Variants in MAGI2 observed in about 807,000 individuals in gnomAD.
The protein encoded by MAGI2 is membrane associated guanylate kinase, WW and PDZ domain containing 2, also known as membrane-associated guanylate kinase, WW and PDZ domain-containing protein 2.
MAGI2 carries 35 observed loss-of-function variants against 133.3 expected under a neutral mutation model. The observed-to-expected ratio is 0.26, with a 90% CI of 0.20 to 0.35. The LOEUF (loss-of-function observed/expected upper bound fraction) is 0.35. Ranked by LOEUF, MAGI2 falls within the 10% of genes least tolerant of loss-of-function variation. MAGI2 has a pLI of 1.00. For missense variants in MAGI2, 1,636 were observed against 1,863.4 expected (o/e 0.88, Z 2.25); for synonymous variants, 729 against 710.6 (o/e 1.03, Z -0.41).
At chr7:78,807,744 C>T (rs903676329) in intron 2 of MAGI2, among the ~76,000 whole-genome samples, 4 of 152,078 alleles carry the variant, frequency 2.6e-5, no homozygotes, top group Non-Finnish European at 5.9e-5. Context: ...ATATAAATTA[C>T]TTCATCAATA....
intron 20 of MAGI2, among the ~76,000 whole-genome samples, chr7:78,085,928 C>A (rs1211800734): frequency 6.6e-6 from 1 of 151,326 alleles, no homozygotes; most frequent in Non-Finnish European, 1.5e-5. Context: ...GTGGCCTTGT[C>A]TGGACATTCA....
At chr7:78,948,463 G>A (rs1453351708) in intron 2 of MAGI2, among the ~76,000 whole-genome samples, 1 of 152,002 alleles carries the variant, frequency 6.6e-6, no homozygotes, top group Admixed American at 6.6e-5. Context: ...GCTCTTCCCT[G>A]AGATTACTTT....
At chr7:78,254,990 T>A (rs546076394) in intron 10 of MAGI2, 5 of 152,286 alleles carry the variant, frequency 3.3e-5, no homozygotes, top group Admixed American at 1.3e-4. Context: ...CTCATTGACT[T>A]TCAGTGTCCT....
At chr7:79,403,971 G>A (rs1348979131) in intron 1 of MAGI2, among the ~76,000 whole-genome samples, 3 of 152,056 alleles carry the variant, frequency 2.0e-5, no homozygotes, top group Non-Finnish European at 4.4e-5. Context: ...AGAAGCCAGA[G>A]GTATTTTCAA....
At chr7:79,093,718 T>TC (rs1584913794) in intron 1 of MAGI2, among the ~76,000 whole-genome samples, 1 of 147,712 alleles carries the variant, frequency 6.8e-6, no homozygotes, top group African/African-American at 2.5e-5. Context: ...TCTTTTCTTT[T>TC]TTTTTTTTTT....
chr7:79,293,921 G>T (rs1037486935), intron 1 of MAGI2, among the ~76,000 whole-genome samples: 10 of 152,198 alleles, frequency 6.6e-5, no homozygotes, highest in African/African-American at 2.2e-4. Flanking sequence ...GGTGGCTCTT[G>T]CCTGTAATCC....
chr7:79,114,754 C>T (rs1819245703), intron 1 of MAGI2, among the ~76,000 whole-genome samples: 1 of 152,164 alleles, frequency 6.6e-6, no homozygotes, highest in Admixed American at 6.5e-5. Flanking sequence ...ACAGAAAATA[C>T]TCTCACTTTG....
intron 7 of MAGI2, among the ~76,000 whole-genome samples, chr7:78,362,179 G>A (rs1380433162): frequency 6.6e-6 from 1 of 152,122 alleles, no homozygotes; most frequent in African/African-American, 2.4e-5. Flanking sequence ...GCGCACACCT[G>A]TAATCCCAGC....
intron 2 of MAGI2, among the ~76,000 whole-genome samples, chr7:78,649,908 C>T (rs536330623): frequency 6.6e-6 from 1 of 152,110 alleles, no homozygotes; most frequent in Non-Finnish European, 1.5e-5. Context: ...ATGCTTTACC[C>T]CAAGGCTTCT....
intron 9 of MAGI2, among the ~76,000 whole-genome samples, chr7:78,290,435 A>G (rs2151038053): frequency 1.3e-5 from 2 of 152,348 alleles, no homozygotes; most frequent in South Asian, 4.1e-4. Flanking sequence ...AGGAGCACCC[A>G]GATTCATAAA....
At chr7:79,333,005 A>G (rs1207185018) in intron 1 of MAGI2, among the ~76,000 whole-genome samples, 1 of 152,208 alleles carries the variant, frequency 6.6e-6, no homozygotes, top group Non-Finnish European at 1.5e-5. Context: ...GGGCAGGCTG[A>G]CGAAAAGATA....
rs976246516 is a variant in MAGI2 at position 79,222,877 on chromosome 7, TTTTG to T, written c.302-215675_302-215672del. Among the ~76,000 whole-genome samples, 90 of 152,136 alleles carry T rather than the reference TTTTG, an allele frequency of 5.9e-4. 1 individual carries two copies. Among genetic ancestry groups the T allele is most frequent in the African/African-American group, 1.9e-3 (77 of 41,436 alleles). Reference sequence around the variant, plus strand: ...TATCTCATTTCTTTTCTTTTTGTTTTTTTGTTTGTTTGTTTGTTTGTTTTTGAGA... The same window carrying T: ...TATCTCATTTCTTTTCTTTTTGTTTTTTTGTTTGTTTGTTTGTTTTTGAGA... On this transcript the variant is annotated intron_variant, in intron 1 of 21. Transcript: ENST00000354212.
At chr7:79,043,628 T>C (rs184161829) in intron 1 of MAGI2, among the ~76,000 whole-genome samples, 1 of 124,918 alleles carries the variant, frequency 8.0e-6, no homozygotes, top group Non-Finnish European at 1.7e-5. Flanking sequence ...TTTGAAAGAA[T>C]AAGATCGATA....
intron 9 of MAGI2, among the ~76,000 whole-genome samples, chr7:78,329,887 G>C (rs1054921478): frequency 6.6e-6 from 1 of 152,130 alleles, no homozygotes; most frequent in African/African-American, 2.4e-5. Context: ...TCTGCCAACA[G>C]AACAGTTGTC....
intron 2 of MAGI2, among the ~76,000 whole-genome samples, chr7:78,838,598 C>G (rs1791861536): frequency 6.6e-6 from 1 of 151,418 alleles, no homozygotes; most frequent in Non-Finnish European, 1.5e-5. Flanking sequence ...ATAGGAAATT[C>G]TTATGGCCAA....
chr7:78,965,336 A>AT (rs952758548), intron 2 of MAGI2, among the ~76,000 whole-genome samples: 60 of 148,240 alleles, frequency 4.0e-4, no homozygotes, highest in Admixed American at 1.5e-3. Context: ...AAAAGGTAGA[A>AT]TTTTTTTTTT....
chr7:79,304,937 C>T (rs1157196870), intron 1 of MAGI2, among the ~76,000 whole-genome samples: 3 of 152,208 alleles, frequency 2.0e-5, no homozygotes, highest in African/African-American at 7.2e-5. Flanking sequence ...GGCTGGGTAA[C>T]GGAAGTCTAG....
chr7:79,222,305 A>G (rs1830499671), intron 1 of MAGI2, among the ~76,000 whole-genome samples: 1 of 152,080 alleles, frequency 6.6e-6, no homozygotes, highest in African/African-American at 2.4e-5. Flanking sequence ...GAGTATAACA[A>G]GAAATATGAA....
intron 1 of MAGI2, among the ~76,000 whole-genome samples, chr7:79,065,866 C>T (rs1311996715): frequency 6.6e-6 from 1 of 152,168 alleles, no homozygotes; most frequent in Non-Finnish European, 1.5e-5. Flanking sequence ...CAGCTTCATC[C>T]ATGTCCCTGC....
Sources: allele counts gnomAD v4.1 joint callset (sites outside exome capture counted in the v4.1 genomes callset), GRCh38; gene constraint gnomAD v4.1.1; transcripts MANE v1.5; gene names NCBI Gene and HGNC (gene_info 2026-07-23, HGNC 2026-07-21).